PLA2G5: variants seen among roughly 807,000 people sequenced by gnomAD.
PLA2G5 encodes phospholipase A2 group V.
A neutral mutation model predicts 15.9 loss-of-function variants in PLA2G5; 12 were observed. The observed-to-expected ratio is 0.76, with a 90% CI of 0.48 to 1.23. The LOEUF is 1.23. PLA2G5 is among the 50% of genes most tolerant of loss of function. The probability of loss-of-function intolerance (pLI) is 0.00; values close to 1 mark genes in which losing one functional copy is unlikely to be tolerated. For synonymous variants in PLA2G5, 71 were observed against 71.4 expected, an observed-to-expected ratio of 0.99 and a Z score of 0.03; for missense variants, 169 against 177.1, an observed-to-expected ratio of 0.95 and a Z score of 0.26.
chr1:20,078,935 C>T (rs901458580), intron 1 of PLA2G5, among the ~76,000 whole-genome samples: 1 of 151,336 alleles, frequency 6.6e-6, no homozygotes, highest in Non-Finnish European at 1.5e-5. Flanking sequence ...GGTGGGACCC[C>T]GACTCTATAA....
intron 1 of PLA2G5, among the ~76,000 whole-genome samples, chr1:20,056,500 G>A (rs914794255): frequency 3.9e-5 from 6 of 152,044 alleles, no homozygotes; most frequent in Admixed American, 6.6e-5. Flanking sequence ...TTAGGCTGTC[G>A]ATGTGACAGA....
intron 1 of PLA2G5, among the ~76,000 whole-genome samples, chr1:20,041,308 A>G (rs957877524): frequency 9.8e-5 from 15 of 152,344 alleles, no homozygotes; most frequent in South Asian, 2.1e-4. Flanking sequence ...TGAAGAGACC[A>G]CCAAACAGAC....
intron 1 of PLA2G5, among the ~76,000 whole-genome samples, chr1:20,057,956 T>G (rs1015913472): frequency 1.3e-5 from 2 of 152,264 alleles, no homozygotes; most frequent in Non-Finnish European, 2.9e-5. Context: ...ATGTTACTGA[T>G]TTCTAGTTTA....
intron 1 of PLA2G5, among the ~76,000 whole-genome samples, chr1:20,037,417 G>C (rs1022341457): frequency 1.3e-5 from 2 of 152,162 alleles, no homozygotes; most frequent in Admixed American, 1.3e-4. Flanking sequence ...CCATCTTCAG[G>C]TCTCTCAGCC....
At chr1:20,051,110 T>C (rs950015549) in intron 1 of PLA2G5, among the ~76,000 whole-genome samples, 3 of 152,198 alleles carry the variant, frequency 2.0e-5, no homozygotes, top group African/African-American at 7.2e-5. Flanking sequence ...AATAGTTATG[T>C]TAAATTATTG....
At chr1:20,041,863 G>A (rs144256638) in intron 1 of PLA2G5, among the ~76,000 whole-genome samples, 14 of 152,274 alleles carry the variant, frequency 9.2e-5, no homozygotes, top group African/African-American at 3.1e-4. Flanking sequence ...AAGTTGGAAC[G>A]CTAGGTGCTT....
In PLA2G5 at chr1:20,070,427, G is replaced by A. The variant is rs2015300395; in HGVS notation, c.-49G>A. 22 of 985,482 alleles carry A rather than the reference G, an allele frequency of 2.2e-5. No individual in the cohort carries two copies. Among genetic ancestry groups the A allele is most frequent in the Non-Finnish European group, 2.7e-5 (22 of 829,968 alleles). 61.0% of individuals were successfully genotyped at this position (985,482 alleles called of 1,614,324 possible). On this transcript the variant is annotated 5_prime_UTR_variant, in exon 1 of 5. Coordinates refer to ENST00000375108, the MANE Select transcript of PLA2G5 (RefSeq NM_000929.3). ...CTGCCCAAGGAAGTTGCTCATGGGA[G>A]CAGACCTCTAGAGCAGGATTTGAGG...
intron 1 of PLA2G5, among the ~76,000 whole-genome samples, chr1:20,038,582 G>A (rs1281022405): frequency 1.3e-5 from 2 of 152,090 alleles, no homozygotes; most frequent in Admixed American, 1.3e-4. Context: ...TTGAGTCCAG[G>A]AGTTTGAGAT....
At chr1:20,036,249 G>A (rs1375355640) in intron 1 of PLA2G5, among the ~76,000 whole-genome samples, 4 of 152,102 alleles carry the variant, frequency 2.6e-5, no homozygotes, top group African/African-American at 4.8e-5. Flanking sequence ...AATTTCCTGG[G>A]TGTTCTTTGA....
intron 1 of PLA2G5, among the ~76,000 whole-genome samples, chr1:20,074,169 G>C (rs528138070): frequency 1.3e-5 from 2 of 152,292 alleles, no homozygotes; most frequent in Admixed American, 1.3e-4. Context: ...AGCAGGAAAT[G>C]CAAAAGCTGT....
At chr1:20,090,246 G>T (rs1022491265) in intron 4 of PLA2G5, among the ~76,000 whole-genome samples, 27 of 152,156 alleles carry the variant, frequency 1.8e-4, no homozygotes, top group African/African-American at 6.5e-4. Context: ...GCTAAATCTG[G>T]GGATGGTTCT....
chr1:20,083,769 G>C (rs1436791022), intron 1 of PLA2G5, among the ~76,000 whole-genome samples: 1 of 151,684 alleles, frequency 6.6e-6, no homozygotes, highest in East Asian at 1.9e-4. Flanking sequence ...AGAAGGACGC[G>C]GCTCGAATCC....
At chr1:20,057,417 T>A (rs1335494782) in intron 1 of PLA2G5, among the ~76,000 whole-genome samples, 2 of 152,126 alleles carry the variant, frequency 1.3e-5, no homozygotes, top group Admixed American at 1.3e-4. Context: ...AATTTCTGCT[T>A]TGCAGAAATT....
At chr1:20,067,858 C>A (rs1327876186), upstream of PLA2G5, among the ~76,000 whole-genome samples, 5 of 152,098 alleles carry the variant, frequency 3.3e-5, no homozygotes, top group Non-Finnish European at 5.9e-5. Context: ...GTGGCTCATG[C>A]CTGTAATCCC....
At chr1:20,044,265 C>T (rs868821418) in intron 1 of PLA2G5, among the ~76,000 whole-genome samples, 59 of 152,258 alleles carry the variant, frequency 3.9e-4, no homozygotes, top group Middle Eastern at 6.8e-3. Context: ...TGGGTTTTTT[C>T]TCACAGCAGA....
intron 1 of PLA2G5, among the ~76,000 whole-genome samples, chr1:20,058,263 C>T (rs1569713683): frequency 1.3e-5 from 2 of 152,266 alleles, no homozygotes; most frequent in South Asian, 2.1e-4. Context: ...GTCTATTTCT[C>T]CTGCAGTCCT....
chr1:20,073,907 T>C (rs773902037), intron 1 of PLA2G5, among the ~76,000 whole-genome samples: 1 of 151,628 alleles, frequency 6.6e-6, no homozygotes, highest in Non-Finnish European at 1.5e-5. Context: ...CTCTGCTACC[T>C]GCTAATAATA....
chr1:20,067,765 G>A (rs2015117734), upstream of PLA2G5, among the ~76,000 whole-genome samples: 2 of 151,992 alleles, frequency 1.3e-5, no homozygotes, highest in Admixed American at 1.3e-4. Flanking sequence ...AGCAACATAA[G>A]GGAAGCCCAG....
At chr1:20,087,682 TCATATATATATATA>T (rs771940839) in intron 3 of PLA2G5, among the ~76,000 whole-genome samples, 2 of 152,080 alleles carry the variant, frequency 1.3e-5, no homozygotes, top group Non-Finnish European at 2.9e-5. Context: ...CCCTTCCAAG[TCATATATATATATA>T]CAGGGTTCCT....
Sources: allele counts gnomAD v4.1 joint callset (sites outside exome capture counted in the v4.1 genomes callset), GRCh38; gene constraint gnomAD v4.1.1; transcripts MANE v1.5; gene names NCBI Gene and HGNC (gene_info 2026-07-23, HGNC 2026-07-21).